UNKL: variants seen among roughly 807,000 people sequenced by gnomAD.
The protein encoded by UNKL is unk like zinc finger, also known as putative E3 ubiquitin-protein ligase UNKL.
A neutral mutation model predicts 78.0 loss-of-function variants in UNKL; 60 were observed. That is an observed-to-expected ratio of 0.77 (90% confidence interval 0.63 to 0.95). The LOEUF (loss-of-function observed/expected upper bound fraction) is 0.95, where lower values mean the gene tolerates loss of function less well. UNKL is among the 40% of genes least tolerant of loss of function. The probability of loss-of-function intolerance (pLI) is 0.00; values close to 1 mark genes in which losing one functional copy is unlikely to be tolerated. For synonymous variants in UNKL, 608 were observed against 474.8 expected, an observed-to-expected ratio of 1.28 and a Z score of -3.65; for missense variants, 1,159 against 1,045.7, an observed-to-expected ratio of 1.11 and a Z score of -1.49.
chr16:1,397,950 G>A (rs557395468), intron 5 of UNKL, among the ~76,000 whole-genome samples: 198 of 152,354 alleles, frequency 1.3e-3, no homozygotes, highest in African/African-American at 3.8e-3. Context: ...CTGCGCTCAC[G>A]GACACGCAGG....
intron 2 of UNKL, 53 bp downstream of exon 2, chr16:1,413,793 G>T: frequency 6.8e-7 from 1 of 1,472,916 alleles, no homozygotes; most frequent in Non-Finnish European, 9.0e-7. Context: ...GCATCCCCGG[G>T]TGGAGGCCCC....
chr16:1,378,525 T>C (rs1567212322), intron 10 of UNKL, among the ~76,000 whole-genome samples: 1 of 152,148 alleles, frequency 6.6e-6, no homozygotes. Flanking sequence ...CCAGGCTCCG[T>C]GCTAAGTCGG....
intron 8 of UNKL, among the ~76,000 whole-genome samples, chr16:1,391,146 T>G (rs2037028297): frequency 6.9e-6 from 1 of 144,248 alleles, no homozygotes; most frequent in Admixed American, 7.4e-5. Flanking sequence ...TGAGACTCTG[T>G]CTCCAAAAAA....
intron 10 of UNKL, among the ~76,000 whole-genome samples, chr16:1,383,196 C>A (rs1440539596): frequency 4.1e-5 from 6 of 145,272 alleles, no homozygotes; most frequent in African/African-American, 1.0e-4. Context: ...GGCGTGAAGT[C>A]GGGAGGCAGA....
At chr16:1,394,022 C>T in intron 7 of UNKL, 109 bp downstream of exon 7, 4 of 1,162,402 alleles carry the variant, frequency 3.4e-6, no homozygotes, top group Non-Finnish European at 4.9e-6. Context: ...GAGCTCCTGC[C>T]CGCCTTCCAG....
At chr16:1,395,560 T>C (rs2037223720) in intron 6 of UNKL, 2 of 402,422 alleles carry the variant, frequency 5.0e-6, no homozygotes, top group Non-Finnish European at 1.0e-5. Context: ...CCCTGCACCT[T>C]CTAGTGGAGG....
intron 10 of UNKL, chr16:1,379,198 G>A (rs925209893): frequency 6.5e-6 from 1 of 152,696 alleles, no homozygotes; most frequent in Non-Finnish European, 1.5e-5. Context: ...GACAGGGCGG[G>A]GGAGCCGCCG....
chr16:1,385,144 C>A, intron 10 of UNKL, 64 bp downstream of exon 10: 1 of 1,181,466 alleles, frequency 8.5e-7, no homozygotes, highest in African/African-American at 1.6e-5. Context: ...AGCGCTGTCC[C>A]TGAAAAGCTA....
intron 12 of UNKL, chr16:1,369,836 G>A (rs1185648070): frequency 7.5e-5 from 76 of 1,016,276 alleles, no homozygotes; most frequent in Admixed American, 1.3e-4. Flanking sequence ...CTAGCTGGGC[G>A]TGGTGGCGCC....
rs999708399 is a variant in UNKL at position 1,370,276 on chromosome 16, G to A, written c.1439C>T (p.Ser480Phe). 17 of 1,534,286 alleles carry A rather than the reference G, an allele frequency of 1.1e-5. No individual in the cohort carries two copies. The highest frequency in any genetic ancestry group is 1.5e-5 in the Non-Finnish European group (17 of 1,145,026). The change falls in exon 12 of 15, where the codon TCT becomes TTT. Residue 480 changes from serine to phenylalanine, a missense_variant. Ser to Phe is a radical substitution (Grantham distance 155). Coordinates refer to ENST00000389221, the MANE Select transcript of UNKL (RefSeq NM_001372107.1). ...CGAACCGAGCGGCGAGGTGGACGCA[G>A]AGGATGGCGAGTGTAGCGATGGTGC... Reference protein sequence around the residue: ...PRAPSLHSPSSASTSPLGSLS... With the variant: ...PRAPSLHSPSFASTSPLGSLS...
At chr16:1,385,469 C>T (rs911268056) in intron 9 of UNKL, 84 bp from the exon 10 acceptor site, 13 of 1,247,896 alleles carry the variant, frequency 1.0e-5, no homozygotes, top group South Asian at 2.7e-5. Flanking sequence ...GAAAGCACCG[C>T]GGGACGGCGG....
intron 2 of UNKL, chr16:1,405,783 C>T (rs914348996): frequency 1.1e-5 from 4 of 355,348 alleles, no homozygotes; most frequent in Non-Finnish European, 2.3e-5. Flanking sequence ...CACGTGATTA[C>T]ACCCAGCACA....
At position 1,399,196 on chromosome 16, in the gene UNKL, C is replaced by A. The variant is rs557929849; in HGVS notation, c.734+178G>T. The A allele has an allele frequency of 7.6e-6, 9 of 1,188,672 alleles. No homozygotes were observed. Among genetic ancestry groups the A allele is most frequent in the Admixed American group, 6.0e-5 (2 of 33,132 alleles). The allele number at this position is 1,188,672 out of a possible 1,614,324, so 73.6% of individuals were successfully genotyped here. Reference sequence around the variant, plus strand: ...GGGAGGCCCATCCCCAGGACAGACGCGTGGGCCTCCATGGCACCTCCCACA... The same window carrying A: ...GGGAGGCCCATCCCCAGGACAGACGAGTGGGCCTCCATGGCACCTCCCACA... On this transcript the variant is annotated intron_variant, in intron 5 of 14. Coordinates refer to ENST00000389221, the MANE Select transcript of UNKL (RefSeq NM_001372107.1). The surrounding 1 kb of genome is among the most constrained non-coding windows in gnomAD (Gnocchi z 5.8).
At chr16:1,411,695 C>G (rs561204582) in intron 2 of UNKL, among the ~76,000 whole-genome samples, 2 of 151,914 alleles carry the variant, frequency 1.3e-5, no homozygotes, top group South Asian at 2.1e-4. Context: ...CGTGGTGGCA[C>G]GCGCCTGTAA....
In UNKL at chr16:1,369,882, G is replaced by T. The variant is rs914951324; in HGVS notation, c.1585+248C>A. 9.5e-6 allele frequency: 14 copies of T among 1,467,016 alleles called. No homozygotes were observed. The Admixed American group carries it at 1.2e-4, about 12-fold the overall frequency. The allele number at this position is 1,467,016 out of a possible 1,614,324, so 90.9% of individuals were successfully genotyped here. On this transcript the variant is annotated intron_variant, in intron 12 of 14. Transcript: ENST00000389221. ...CCCAGCTACTTGGGTGGCTGAGGCA[G>T]GAGAATTGCTTGAACCTGGGAGGCG...
chr16:1,374,527 G>A (rs919176990), intron 10 of UNKL, among the ~76,000 whole-genome samples: 34 of 152,266 alleles, frequency 2.2e-4, no homozygotes, highest in Admixed American at 1.8e-3. Flanking sequence ...GGGTCGGCGC[G>A]CCGGGAACCT....
chr16:1,398,567 G>T (rs970526433), intron 5 of UNKL: 1 of 1,390,344 alleles, frequency 7.2e-7, no homozygotes, highest in Non-Finnish European at 9.3e-7. Context: ...GCAGCACCAG[G>T]TCATTCAAAA....
intron 4 of UNKL, 97 bp downstream of exon 4, chr16:1,401,471 C>T (rs945753984): frequency 2.2e-5 from 30 of 1,340,682 alleles, no homozygotes; most frequent in Admixed American, 1.5e-4. Flanking sequence ...TCACCTTGCA[C>T]GTAAACTGAA....
intron 10 of UNKL, among the ~76,000 whole-genome samples, chr16:1,384,131 A>G (rs1246794124): frequency 6.6e-6 from 1 of 152,104 alleles, no homozygotes; most frequent in Non-Finnish European, 1.5e-5. Context: ...GCCATGGAAC[A>G]TGGGGCTTCA....
Sources: gnomAD v4.1 joint callset for allele counts (sites outside exome capture counted in the v4.1 genomes callset) on GRCh38, gnomAD v4.1.1 for gene constraint, Gnocchi (gnomAD v3.1) non-coding constraint, MANE v1.5 for transcripts, NCBI Gene and HGNC (gene_info 2026-07-23, HGNC 2026-07-21) for gene names.